GALNT13: variants seen among roughly 807,000 people sequenced by gnomAD.
GALNT13 encodes UDP-GalNAc:polypeptide N-acetylgalactosaminyltransferase 13.
Under a neutral mutation model 64.2 loss-of-function variants are expected in GALNT13, and 28 were observed. The ratio of observed to expected loss-of-function variants is 0.44; its 90% CI spans 0.32 to 0.60. The LOEUF is 0.60. Among genes scored for constraint, GALNT13 ranks in the 20% least tolerant of loss-of-function variants. GALNT13 has a pLI of 0.05. For missense variants in GALNT13, 577 were observed against 669.8 expected, an observed-to-expected ratio of 0.86 and a Z score of 1.53; for synonymous variants, 214 against 224.6, an observed-to-expected ratio of 0.95 and a Z score of 0.42.
chr2:154,038,801 A>G (rs1328842185), intron 3 of GALNT13, among the ~76,000 whole-genome samples: 1 of 152,146 alleles, frequency 6.6e-6, no homozygotes, highest in African/African-American at 2.4e-5. Flanking sequence ...CAGCAAAGGA[A>G]AAAACCGAGT....
At chr2:154,018,299 A>C (rs1300069274) in intron 3 of GALNT13, among the ~76,000 whole-genome samples, 1 of 152,196 alleles carries the variant, frequency 6.6e-6, no homozygotes, top group East Asian at 1.9e-4. Context: ...ACCATAGGAG[A>C]AGGAGCCACG....
At chr2:154,122,018 ATAG>A (rs1265232859) in intron 3 of GALNT13, among the ~76,000 whole-genome samples, 4 of 152,048 alleles carry the variant, frequency 2.6e-5, no homozygotes, top group Non-Finnish European at 5.9e-5. Flanking sequence ...AATTTCTACA[ATAG>A]TAATTCTTGA....
At chr2:153,808,587 T>C in the GALNT13 span, among the ~76,000 whole-genome samples, 2 of 152,184 alleles carry the variant, frequency 1.3e-5, no homozygotes, top group Admixed American at 6.5e-5. Flanking sequence ...TCTCTGTTGT[T>C]GATGTCTTTA....
intron 4 of GALNT13, among the ~76,000 whole-genome samples, chr2:154,207,099 G>A (rs1179310013): frequency 6.6e-6 from 1 of 152,122 alleles, no homozygotes; most frequent in African/African-American, 2.4e-5. Flanking sequence ...ACTTTCCTAA[G>A]TGAGAGCCTT....
chr2:153,083,375 C>A, the GALNT13 span, among the ~76,000 whole-genome samples: 1 of 152,146 alleles, frequency 6.6e-6, no homozygotes, highest in East Asian at 1.9e-4. Flanking sequence ...AAAGTGCTCC[C>A]TTTTCCCCAC....
the GALNT13 span, among the ~76,000 whole-genome samples, chr2:153,301,903 G>T: frequency 2.0e-5 from 3 of 151,642 alleles, no homozygotes; most frequent in African/African-American, 7.3e-5. Context: ...GTGTGTGTGT[G>T]TGTGTGTGTA....
intron 9 of GALNT13, among the ~76,000 whole-genome samples, chr2:154,364,743 C>T (rs546933397): frequency 2.0e-4 from 30 of 152,262 alleles, no homozygotes; most frequent in Admixed American, 9.2e-4. Context: ...GCGATCTTGG[C>T]TCACCGCAAC....
the GALNT13 span, among the ~76,000 whole-genome samples, chr2:153,670,048 C>T: frequency 6.6e-6 from 1 of 152,192 alleles, no homozygotes; most frequent in South Asian, 2.1e-4. Flanking sequence ...AATACTCAAA[C>T]TGGGCAGAGC....
At chr2:153,372,869 T>A in the GALNT13 span, among the ~76,000 whole-genome samples, 1 of 152,312 alleles carries the variant, frequency 6.6e-6, no homozygotes, top group Admixed American at 6.5e-5. Flanking sequence ...CTATCTTTTC[T>A]TTTTTATGTC....
the GALNT13 span, among the ~76,000 whole-genome samples, chr2:153,866,750 A>C: frequency 0.1 from 15,784 of 152,232 alleles, 1,022 homozygotes; most frequent in African/African-American, 0.17. Context: ...CAACATTTTA[A>C]CAAAAGATTT....
At chr2:153,492,616 A>G in the GALNT13 span, among the ~76,000 whole-genome samples, 1 of 152,178 alleles carries the variant, frequency 6.6e-6, no homozygotes, top group South Asian at 2.1e-4. Flanking sequence ...CAAAAACAAC[A>G]GAGGAAAAAC....
At chr2:153,207,328 A>C in the GALNT13 span, among the ~76,000 whole-genome samples, 4 of 152,094 alleles carry the variant, frequency 2.6e-5, no homozygotes. Context: ...GATTATGTGC[A>C]TGTGTATGTG....
the GALNT13 span, among the ~76,000 whole-genome samples, chr2:153,740,099 T>C: frequency 6.6e-6 from 1 of 152,046 alleles, no homozygotes; most frequent in Non-Finnish European, 1.5e-5. Flanking sequence ...GTTCTAATAA[T>C]TATTTGCTTA....
chr2:153,281,921 G>A, the GALNT13 span, among the ~76,000 whole-genome samples: 1 of 151,254 alleles, frequency 6.6e-6, no homozygotes, highest in African/African-American at 2.4e-5. Context: ...GTGTTATCTG[G>A]ATATCTTATA....
chr2:154,153,261 C>T (rs557761487), intron 4 of GALNT13, among the ~76,000 whole-genome samples: 4 of 151,858 alleles, frequency 2.6e-5, no homozygotes, highest in Admixed American at 6.6e-5. Flanking sequence ...TCATGAACCG[C>T]GAATGCTGCT....
At chr2:154,062,748 C>T (rs1441582192) in intron 3 of GALNT13, among the ~76,000 whole-genome samples, 3 of 152,182 alleles carry the variant, frequency 2.0e-5, no homozygotes, top group Non-Finnish European at 4.4e-5. Context: ...AATGGGGACA[C>T]AGAGCCAAAC....
the GALNT13 span, among the ~76,000 whole-genome samples, chr2:153,811,072 C>G: frequency 2.0e-5 from 3 of 152,012 alleles, no homozygotes; most frequent in African/African-American, 7.2e-5. Context: ...TAATTCAGTA[C>G]CCAGCACATA....
chr2:154,096,800 T>C (rs913190270), intron 3 of GALNT13, among the ~76,000 whole-genome samples: 2 of 151,936 alleles, frequency 1.3e-5, no homozygotes, highest in African/African-American at 2.4e-5. Flanking sequence ...AAAATTAAAA[T>C]ATCTGAAAAG....
the GALNT13 span, among the ~76,000 whole-genome samples, chr2:153,430,279 T>C: frequency 7.9e-5 from 12 of 152,110 alleles, no homozygotes; most frequent in East Asian, 3.9e-4. Flanking sequence ...TTTTTTTTTT[T>C]CTGTGGGGGA....
Sources: allele counts gnomAD v4.1 joint callset (sites outside exome capture counted in the v4.1 genomes callset), GRCh38; gene constraint gnomAD v4.1.1; transcripts MANE v1.5; gene names NCBI Gene and HGNC (gene_info 2026-07-23, HGNC 2026-07-21).